Variants in KAZN observed in about 807,000 individuals in gnomAD.
The protein encoded by KAZN is kazrin, periplakin interacting protein.
Under a neutral mutation model 87.4 loss-of-function variants are expected in KAZN, and 40 were observed. That is an observed-to-expected ratio of 0.46 (90% CI 0.36 to 0.60). The LOEUF (loss-of-function observed/expected upper bound fraction) is 0.60, where lower values mean the gene tolerates loss of function less well. Ranked by LOEUF, KAZN falls within the 20% of genes least tolerant of loss-of-function variation. KAZN has a pLI of 0.00. For missense variants in KAZN, 898 were observed against 1,073.9 expected (o/e 0.84, Z 2.29); for synonymous variants, 466 against 458.3 (o/e 1.02, Z -0.22).
intron 2 of KAZN, among the ~76,000 whole-genome samples, chr1:14,507,693 T>G (rs1486108915): frequency 6.6e-6 from 1 of 152,148 alleles, no homozygotes; most frequent in African/African-American, 2.4e-5. Flanking sequence ...TTGAAAGCCT[T>G]GGGGCAATGA....
At chr1:14,975,618 G>A (rs1665513791) in intron 2 of KAZN, among the ~76,000 whole-genome samples, 1 of 152,086 alleles carries the variant, frequency 6.6e-6, no homozygotes, top group African/African-American at 2.4e-5. Flanking sequence ...TATAGTCCAG[G>A]CATGCATGGA....
intron 1 of KAZN, among the ~76,000 whole-genome samples, chr1:14,041,975 T>A (rs754834559): frequency 5.3e-4 from 81 of 152,320 alleles, no homozygotes; most frequent in Non-Finnish European, 5.7e-4. Flanking sequence ...CTCTGAATGC[T>A]TTTAGGATCT....
intron 1 of KAZN, among the ~76,000 whole-genome samples, chr1:14,722,994 T>C (rs1424991663): frequency 6.6e-6 from 1 of 152,040 alleles, no homozygotes; most frequent in East Asian, 1.9e-4. Context: ...GACGTGGTGG[T>C]GTGCACCTGT....
At chr1:15,071,624 C>A (rs1639511461) in intron 8 of KAZN, among the ~76,000 whole-genome samples, 1 of 152,184 alleles carries the variant, frequency 6.6e-6, no homozygotes, top group Non-Finnish European at 1.5e-5. Context: ...GGAAAATATG[C>A]AAATATGCAG....
chr1:14,728,287 TATA>T (rs1484605726), intron 1 of KAZN, among the ~76,000 whole-genome samples: 144 of 70,428 alleles, frequency 2.0e-3, no homozygotes, highest in African/African-American at 3.5e-3. Context: ...ACACCGTATA[TATA>T]AAAAAAAAAA....
chr1:14,771,087 G>T (rs1645006763), intron 1 of KAZN, among the ~76,000 whole-genome samples: 1 of 152,146 alleles, frequency 6.6e-6, no homozygotes, highest in Non-Finnish European at 1.5e-5. Flanking sequence ...GAGGGTGCGG[G>T]GTGAGCAGGA....
intron 1 of KAZN, among the ~76,000 whole-genome samples, chr1:13,914,512 ATT>A (rs2100879622): frequency 6.6e-6 from 1 of 152,292 alleles, no homozygotes; most frequent in Non-Finnish European, 1.5e-5. Flanking sequence ...CACCGCCTCG[ATT>A]AGGTTATGTT....
chr1:14,011,631 A>G (rs957922426), intron 1 of KAZN, among the ~76,000 whole-genome samples: 2 of 152,124 alleles, frequency 1.3e-5, no homozygotes, highest in African/African-American at 4.8e-5. Flanking sequence ...GTTATGAGCT[A>G]GGAATGTAGA....
At chr1:14,328,953 G>A (rs896192582) in intron 2 of KAZN, among the ~76,000 whole-genome samples, 2 of 151,992 alleles carry the variant, frequency 1.3e-5, no homozygotes, top group African/African-American at 2.4e-5. Flanking sequence ...GGATGTAAAA[G>A]GACATAGAAC....
intron 1 of KAZN, among the ~76,000 whole-genome samples, chr1:13,981,148 A>G (rs1251342517): frequency 2.5e-5 from 2 of 80,998 alleles, no homozygotes; most frequent in Non-Finnish European, 5.6e-5. Flanking sequence ...TACAAGTAAT[A>G]CATATGTGGA....
chr1:15,048,793 ATTGGTCCTGAGTCG>A (rs1346706880), intron 4 of KAZN, among the ~76,000 whole-genome samples: 1 of 82,398 alleles, frequency 1.2e-5, no homozygotes, highest in East Asian at 4.4e-4. Context: ...ATCCTTGGTC[ATTGGTCCTGAGTCG>A]TTGGTCCTGG....
At chr1:13,908,644 A>G (rs1053351916) in intron 1 of KAZN, among the ~76,000 whole-genome samples, 3 of 152,260 alleles carry the variant, frequency 2.0e-5, no homozygotes, top group Non-Finnish European at 4.4e-5. Flanking sequence ...GGCATTGATC[A>G]CTGATAAACG....
chr1:14,797,736 C>T (rs188143379), intron 1 of KAZN, among the ~76,000 whole-genome samples: 103 of 152,250 alleles, frequency 6.8e-4, no homozygotes, highest in African/African-American at 2.4e-3. Context: ...GGACTAGTTA[C>T]GGGGCCCCAG....
At chr1:14,751,942 A>T (rs1208709652) in intron 1 of KAZN, among the ~76,000 whole-genome samples, 1 of 152,146 alleles carries the variant, frequency 6.6e-6, no homozygotes. Context: ...AAGAAGAAAA[A>T]AAGTTTTATT....
At chr1:14,116,775 A>G (rs932334922) in intron 1 of KAZN, among the ~76,000 whole-genome samples, 1 of 152,244 alleles carries the variant, frequency 6.6e-6, no homozygotes, top group African/African-American at 2.4e-5. Flanking sequence ...CTGTGAAAGC[A>G]GCCAGGAGGG....
At chr1:15,007,667 G>A (rs1269931662) in intron 2 of KAZN, among the ~76,000 whole-genome samples, 1 of 152,124 alleles carries the variant, frequency 6.6e-6, no homozygotes, top group Non-Finnish European at 1.5e-5. Context: ...TGCTCTGCCG[G>A]GCAGGTAGCT....
At chr1:13,996,082 C>T (rs1015627631) in intron 1 of KAZN, among the ~76,000 whole-genome samples, 3 of 151,360 alleles carry the variant, frequency 2.0e-5, no homozygotes, top group Non-Finnish European at 3.0e-5. Flanking sequence ...GAAGGAAGAG[C>T]GTGGCAGCCC....
At chr1:14,272,470 C>A (rs1353521391) in intron 2 of KAZN, among the ~76,000 whole-genome samples, 3 of 152,104 alleles carry the variant, frequency 2.0e-5, no homozygotes, top group Non-Finnish European at 4.4e-5. Flanking sequence ...CTTTCATGGG[C>A]AAAATTAAAA....
At chr1:14,149,280 T>A (rs2101794664) in intron 1 of KAZN, among the ~76,000 whole-genome samples, 1 of 151,098 alleles carries the variant, frequency 6.6e-6, no homozygotes, top group East Asian at 1.9e-4. Context: ...TTTTTGTATT[T>A]TTTTTTTTGG....
Sources: gnomAD v4.1 joint callset for allele counts (sites outside exome capture counted in the v4.1 genomes callset) on GRCh38, gnomAD v4.1.1 for gene constraint, MANE v1.5 for transcripts, NCBI Gene and HGNC (gene_info 2026-07-23, HGNC 2026-07-21) for gene names.